Variants in INVS observed in about 807,000 individuals in gnomAD.
INVS encodes inversin.
A neutral mutation model predicts 108.8 loss-of-function variants in INVS; 86 were observed. That is an observed-to-expected ratio of 0.79 (90% CI 0.66 to 0.95). The LOEUF is 0.95. Among genes scored for constraint, INVS ranks in the 40% least tolerant of loss-of-function variants. INVS has a pLI of 0.00. For missense variants in INVS, 1,169 were observed against 1,297.4 expected (o/e 0.90, Z 1.52); for synonymous variants, 455 against 473.5 (o/e 0.96, Z 0.51).
chr9:100,230,585 C>T (rs1016338438), intron 5 of INVS, among the ~76,000 whole-genome samples: 1 of 152,150 alleles, frequency 6.6e-6, no homozygotes, highest in African/African-American at 2.4e-5. Flanking sequence ...GTGGCATGAT[C>T]TCGGCTTACT....
rs144047351 is a variant in INVS at position 100,173,841 on chromosome 9, C to G, written c.273+47292C>G. Among the ~76,000 whole-genome samples the G allele has an allele frequency of 1.1e-4, 16 of 152,328 alleles. No homozygotes were observed. The East Asian group carries it at 3.1e-3, about 29-fold the overall frequency. On this transcript the variant is annotated intron_variant, in intron 3 of 16. Coordinates refer to ENST00000262457, the MANE Select transcript of INVS (RefSeq NM_014425.5). ...CCAAAATCTCTGACTAACCCCTAAC[C>G]TAAACATAGATGGGGAAAAATTCAG...
At chr9:100,150,920 G>A (rs1828788913) in intron 3 of INVS, among the ~76,000 whole-genome samples, 1 of 152,204 alleles carries the variant, frequency 6.6e-6, no homozygotes, top group African/African-American at 2.4e-5. Flanking sequence ...GGGGGATTAA[G>A]AGAACCAGAG....
intron 10 of INVS, among the ~76,000 whole-genome samples, chr9:100,260,911 G>A (rs1832601191): frequency 6.6e-6 from 1 of 152,054 alleles, no homozygotes; most frequent in Non-Finnish European, 1.5e-5. Flanking sequence ...TTCCCCCTAA[G>A]TGAGATTATC....
At chr9:100,138,818 T>G (rs998194272) in intron 3 of INVS, among the ~76,000 whole-genome samples, 8 of 150,590 alleles carry the variant, frequency 5.3e-5, no homozygotes, top group African/African-American at 1.9e-4. Context: ...GCGATTCTCC[T>G]GCCTCAGTCT....
At chr9:100,235,146 G>A (rs1015031322) in intron 5 of INVS, among the ~76,000 whole-genome samples, 4 of 150,694 alleles carry the variant, frequency 2.7e-5, no homozygotes, top group African/African-American at 4.9e-5. Flanking sequence ...TTTGATCTTT[G>A]TTGGTTTAAA....
intron 3 of INVS, among the ~76,000 whole-genome samples, chr9:100,219,760 A>G (rs955716641): frequency 1.3e-5 from 2 of 152,202 alleles, no homozygotes; most frequent in African/African-American, 2.4e-5. Flanking sequence ...GTGAAAATGT[A>G]TGAACCCAGG....
At chr9:100,288,743 C>T (rs1172129858) in intron 13 of INVS, among the ~76,000 whole-genome samples, 1 of 152,084 alleles carries the variant, frequency 6.6e-6, no homozygotes, top group Non-Finnish European at 1.5e-5. Flanking sequence ...ATCTCAGCCT[C>T]CCGGGTGGCT....
chr9:100,284,436 G>A lies in INVS; in HGVS notation c.1901G>A (p.Ser634Asn), dbSNP rs768457609. Residue 634 changes from serine to asparagine, a missense_variant, in exon 13 of 17, where the codon AGC becomes AAC. Physicochemically the swap from Ser to Asn is conservative, Grantham distance 46. Coordinates refer to ENST00000262457, the MANE Select transcript of INVS (RefSeq NM_014425.5). ...PCLPSTQDVP[S>N]RQSRAPSKQP... is the part of the protein sequence containing the mutation. The stretch of plus-strand genomic sequence containing the variant: ...CTGCCTAGCACCCAGGATGTGCCCA[G>A]CAGGCAGAGCCGGGCCCCCAGCAAG... 1.3e-5 allele frequency: 21 copies of A among 1,614,192 alleles called. No individual in the cohort carries two copies. The highest frequency in any genetic ancestry group is 1.8e-5 in the Non-Finnish European group (21 of 1,180,034).
chr9:100,211,922 A>C (rs1830842946), intron 3 of INVS, among the ~76,000 whole-genome samples: 1 of 152,246 alleles, frequency 6.6e-6, no homozygotes, highest in Non-Finnish European at 1.5e-5. Context: ...CAGGTTAGTG[A>C]TGTGGTTCTC....
At position 100,104,532 on chromosome 9, in the gene INVS, C is replaced by A; in HGVS notation, c.11C>A (p.Ser4Ter). Residue 4 changes from serine to a stop codon, truncating the protein, a stop_gained, in exon 2 of 17, where the codon TCA becomes TAA. Transcript: ENST00000262457. LOFTEE classifies it high-confidence loss of function. The part of the protein sequence containing the change: MNK[S>*]ENLLFAGSSL... ...GTTGCTAAGAAGACTATGAACAAGT[C>A]AGAGAACCTGCTGTTTGCTGGTTCA... The A allele has an allele frequency of 6.2e-7, 1 of 1,613,304 alleles. No individual in the cohort carries two copies. Among genetic ancestry groups the A allele is most frequent in the South Asian group, 1.1e-5 (1 of 91,038 alleles).
chr9:100,128,865 C>A (rs1827962165), intron 3 of INVS, among the ~76,000 whole-genome samples: 2 of 152,218 alleles, frequency 1.3e-5, no homozygotes, highest in Admixed American at 1.3e-4. Context: ...TATAAAATAA[C>A]CACTGATGGA....
intron 8 of INVS, among the ~76,000 whole-genome samples, chr9:100,247,583 T>C (rs1235719678): frequency 6.6e-6 from 1 of 152,146 alleles, no homozygotes; most frequent in Non-Finnish European, 1.5e-5. Context: ...GCCATTTGCA[T>C]CTACTGTTAT....
intron 2 of INVS, among the ~76,000 whole-genome samples, chr9:100,113,556 T>C (rs1417282840): frequency 6.6e-6 from 1 of 151,232 alleles, no homozygotes; most frequent in African/African-American, 2.4e-5. Flanking sequence ...ATCTGGTGTC[T>C]TTTTTGTTTG....
intron 13 of INVS, among the ~76,000 whole-genome samples, chr9:100,291,211 G>A (rs992742752): frequency 6.6e-6 from 1 of 151,966 alleles, no homozygotes; most frequent in Non-Finnish European, 1.5e-5. Context: ...CTACACGCGT[G>A]CGCCACCATG....
At chr9:100,167,504 T>C (rs1829402684) in intron 3 of INVS, among the ~76,000 whole-genome samples, 1 of 152,180 alleles carries the variant, frequency 6.6e-6, no homozygotes, top group Admixed American at 6.5e-5. Context: ...ATTAGTTTCT[T>C]ATTCAAGTCA....
chr9:100,138,387 C>CA (rs1828304184), intron 3 of INVS, among the ~76,000 whole-genome samples: 1 of 151,966 alleles, frequency 6.6e-6, no homozygotes, highest in African/African-American at 2.4e-5. Flanking sequence ...GCTAGGGTGA[C>CA]AAGAGCGAAA....
In INVS at chr9:100,178,697, A is replaced by G. The variant is rs1829790695; in HGVS notation, c.274-47365A>G. On this transcript the variant is annotated intron_variant, in intron 3 of 16. Coordinates refer to ENST00000262457, the MANE Select transcript of INVS (RefSeq NM_014425.5). ...ACCTGAAAGTGACGGGGAGAATGGA[A>G]CCAAATTGGAAAACACTCTTCAGGA... Among the ~76,000 whole-genome samples, 5 of 152,174 alleles carry G rather than the reference A, an allele frequency of 3.3e-5. No individual in the cohort carries two copies. The South Asian group carries it at 1.0e-3, about 31-fold the overall frequency.
At chr9:100,198,417 A>C (rs888282167) in intron 3 of INVS, among the ~76,000 whole-genome samples, 1 of 149,418 alleles carries the variant, frequency 6.7e-6, no homozygotes, top group African/African-American at 2.5e-5. Context: ...CCTGCCTCCA[A>C]AGTAGCTGGG....
In INVS at chr9:100,126,462, T is replaced by C. The variant is rs746395268; in HGVS notation, c.186T>C (p.Asp62=). Residue 62 remains aspartate, a synonymous_variant, in exon 3 of 17, where the codon GAT becomes GAC. Coordinates refer to ENST00000262457, the MANE Select transcript of INVS (RefSeq NM_014425.5). Reference sequence around the variant, plus strand: ...ATTGCGTGTTGGCTGACAGATTGGATTGTGCAGATGCTCTTCTGAAGGCAG... The same window carrying C: ...ATTGCGTGTTGGCTGACAGATTGGACTGTGCAGATGCTCTTCTGAAGGCAG... The part of the protein sequence containing the change: ...LMYCVLADRL[D]CADALLKAGA... 5 of 1,614,098 alleles carry C rather than the reference T, an allele frequency of 3.1e-6. No individual in the cohort carries two copies. The South Asian group carries it at 4.4e-5, about 14-fold the overall frequency.
Sources: allele counts gnomAD v4.1 joint callset (sites outside exome capture counted in the v4.1 genomes callset), GRCh38; gene constraint gnomAD v4.1.1; transcripts MANE v1.5; gene names NCBI Gene and HGNC (gene_info 2026-07-23, HGNC 2026-07-21).